AGAP1: variants seen among roughly 807,000 people sequenced by gnomAD.
AGAP1 encodes ArfGAP with GTPase domain, ankyrin repeat and PH domain 1, also known as arf-GAP with GTPase, ANK repeat and PH domain-containing protein 1.
AGAP1 carries 29 observed loss-of-function variants against 105.3 expected under a neutral mutation model. The ratio of observed to expected loss-of-function variants is 0.28; its 90% CI spans 0.21 to 0.38. The LOEUF is 0.38. Ranked by LOEUF, AGAP1 falls within the 10% of genes least tolerant of loss-of-function variation. AGAP1 has a pLI of 1.00. For synonymous variants in AGAP1, 509 were observed against 485.9 expected (o/e 1.05, Z -0.63); for missense variants, 998 against 1,165.1 (o/e 0.86, Z 2.09).
At position 235,494,632 on chromosome 2, in the gene AGAP1, G is replaced by A; in HGVS notation, c.-55G>A. On this transcript the variant is annotated 5_prime_UTR_variant, in exon 1 of 18. Transcript: ENST00000304032. ...CGGGCTCGGCGGCCCGCGGGCCCCG[G>A]GGCGCGGGGCGGCGGCGGCGGGGGG... 3.1e-6 allele frequency: 3 copies of A among 960,376 alleles called. No homozygotes were observed. The highest frequency in any genetic ancestry group is 3.7e-6 in the Non-Finnish European group (3 of 811,190). The allele number at this position is 960,376 out of a possible 1,614,324, so 59.5% of individuals were successfully genotyped here. A position where few individuals can be genotyped will look rare whatever the true frequency, so the allele number is the denominator to read the frequency against.
At chr2:235,899,515 A>G (rs2124982869) in intron 10 of AGAP1, among the ~76,000 whole-genome samples, 1 of 152,326 alleles carries the variant, frequency 6.6e-6, no homozygotes, top group East Asian at 1.9e-4. Context: ...CTGTGTCTTA[A>G]AAATATATAT....
rs916709825 is a variant in AGAP1, at chr2:235,625,409, G to A, written c.164-83770G>A. 1.8e-4 allele frequency among the ~76,000 whole-genome samples: 27 copies of A among 152,214 alleles called. 1 individual carries two copies. Among genetic ancestry groups the A allele is most frequent in the African/African-American group, 3.9e-4 (16 of 41,456 alleles). ...AAGAAATTCATGGGAGTCCTGCATC[G>A]CTGAGGTCAGGGGAGGTTCTGTAAA... On this transcript the variant is annotated intron_variant, in intron 1 of 17. Transcript: ENST00000304032. The surrounding 1 kb of genome is among the most constrained non-coding windows in gnomAD (Gnocchi z 4.0).
chr2:236,037,896 A>T (rs1226395810), intron 14 of AGAP1, among the ~76,000 whole-genome samples: 1 of 152,190 alleles, frequency 6.6e-6, no homozygotes, highest in African/African-American at 2.4e-5. Flanking sequence ...AAGAGAAAGG[A>T]TGTTACCCAC....
At chr2:235,668,369 C>G (rs1235016501) in intron 1 of AGAP1, among the ~76,000 whole-genome samples, 1 of 152,152 alleles carries the variant, frequency 6.6e-6, no homozygotes, top group African/African-American at 2.4e-5. Context: ...AATAGGTACC[C>G]CCACAATAAG....
rs1220285434 is a variant in AGAP1, at chr2:236,056,410, A to G, written c.2114+7129A>G. Among the ~76,000 whole-genome samples, 1 of 152,206 alleles carries G rather than the reference A, an allele frequency of 6.6e-6. No individual in the cohort carries two copies. The highest frequency in any genetic ancestry group is 1.5e-5 in the Non-Finnish European group (1 of 68,040). Reference sequence around the variant, plus strand: ...ACAATTAAGGAGTTTCTGATGCTTAAGAATTTTTACTGCCCCTGGCAGATG... The same window carrying G: ...ACAATTAAGGAGTTTCTGATGCTTAGGAATTTTTACTGCCCCTGGCAGATG... On this transcript the variant is annotated intron_variant, in intron 16 of 17. Transcript: ENST00000304032. This position sits in a 1 kb window ranked among gnomAD's most constrained non-coding sequence, Gnocchi z 4.6.
In AGAP1 at chr2:235,692,573, TC is replaced by T. The variant is rs1559358198; in HGVS notation, c.164-16600del. On this transcript the variant is annotated intron_variant, in intron 1 of 17. Coordinates refer to ENST00000304032, the MANE Select transcript of AGAP1 (RefSeq NM_001037131.3). This position sits in a 1 kb window ranked among gnomAD's most constrained non-coding sequence, Gnocchi z 5.8. ...GCCCCTATGCTCTCCCCCCTTGCCC[TC>T]CCCCCTTGCCTTCCTGGGCCATCCT... Among the ~76,000 whole-genome samples, 1 of 148,670 alleles carries T rather than the reference TC, an allele frequency of 6.7e-6. No homozygotes were observed. Among genetic ancestry groups the T allele is most frequent in the African/African-American group, 2.5e-5 (1 of 39,986 alleles).
chr2:235,897,116 T>C (rs535601432), intron 10 of AGAP1, among the ~76,000 whole-genome samples: 40 of 152,338 alleles, frequency 2.6e-4, no homozygotes, highest in South Asian at 1.4e-3. Flanking sequence ...AAAGTCTTGC[T>C]CTGTTGCCCA....
At chr2:235,651,493 A>G (rs190658631) in intron 1 of AGAP1, among the ~76,000 whole-genome samples, 4 of 152,350 alleles carry the variant, frequency 2.6e-5, no homozygotes, top group Admixed American at 2.6e-4. Context: ...GAAAAACATG[A>G]AGATTCCCAT....
rs2058062320 is a variant in AGAP1, at chr2:236,056,771, C to T, written c.2114+7490C>T. 6.6e-6 allele frequency among the ~76,000 whole-genome samples: 1 copy of T among 152,142 alleles called. No individual in the cohort carries two copies. The highest frequency in any genetic ancestry group is 2.1e-4 in the South Asian group (1 of 4,824). On this transcript the variant is annotated intron_variant, in intron 16 of 17. Transcript: ENST00000304032. This position sits in a 1 kb window ranked among gnomAD's most constrained non-coding sequence, Gnocchi z 4.6. ...ACAGCGCCCTGTGTGCTTGGATTAT[C>T]CCCATTCCCAGACGTGTGCCAGGGT...
rs1468352377 is a variant in AGAP1, at chr2:236,120,106, G to GCTTCTCCCGACCA, written c.2115-84_2115-72dup. On this transcript the variant is annotated intron_variant, in intron 16 of 17. Transcript: ENST00000304032. The surrounding 1 kb of genome is among the most constrained non-coding windows in gnomAD (Gnocchi z 6.0). ...TTTCTGTTATTTCACTTCCCTCTCG[G>GCTTCTCCCGACCA]CTTCTCCCGACCACACTGGGCAGGG... 2 of 1,524,222 alleles carry GCTTCTCCCGACCA rather than the reference G, an allele frequency of 1.3e-6. No individual in the cohort carries two copies. The highest frequency in any genetic ancestry group is 1.8e-6 in the Non-Finnish European group (2 of 1,135,482). 94.4% of individuals were successfully genotyped at this position (1,524,222 alleles called of 1,614,324 possible).
intron 12 of AGAP1, among the ~76,000 whole-genome samples, chr2:235,955,380 A>C (rs1214500922): frequency 1.3e-5 from 2 of 152,122 alleles, no homozygotes; most frequent in African/African-American, 2.4e-5. Context: ...ATCCTTACAC[A>C]CCGTTGGTGG....
Position 235,951,859 on chromosome 2 carries a change from GTTCCT to G in AGAP1, c.1484-16599_1484-16595del, listed in dbSNP as rs2053752895. Among the ~76,000 whole-genome samples, 1 of 152,136 alleles carries G rather than the reference GTTCCT, an allele frequency of 6.6e-6. No individual in the cohort carries two copies. The highest frequency in any genetic ancestry group is 6.5e-5 in the Admixed American group (1 of 15,276). On this transcript the variant is annotated intron_variant, in intron 12 of 17. Transcript: ENST00000304032. This position sits in a 1 kb window ranked among gnomAD's most constrained non-coding sequence, Gnocchi z 4.2. Reference sequence around the variant, plus strand: ...CTTCATAAATGCAGGAAACTGTCAGGTTCCTTTCAAGAGGAAGTCTTAGCTACAGA... The same window carrying G: ...CTTCATAAATGCAGGAAACTGTCAGGTTCAAGAGGAAGTCTTAGCTACAGA...
Position 235,750,393 on chromosome 2 carries a change from C to G in AGAP1, c.578C>G (p.Ala193Gly). 6.2e-7 allele frequency: 1 copy of G among 1,614,174 alleles called. No homozygotes were observed. The highest frequency in any genetic ancestry group is 8.5e-7 in the Non-Finnish European group (1 of 1,180,040). ...SSANPRVIDD[A>G]RARKLSNDLK... Reference sequence around the variant, plus strand: ...GCTAACCCGAGGGTCATCGATGACGCCAGGGCGAGGAAGCTCTCCAACGAC... The same window carrying G: ...GCTAACCCGAGGGTCATCGATGACGGCAGGGCGAGGAAGCTCTCCAACGAC... The change falls in exon 6 of 18, where the codon GCC becomes GGC. Residue 193 changes from alanine to glycine, a missense_variant. Physicochemically the swap from Ala to Gly is moderately conservative, Grantham distance 60 (BLOSUM62 0). Around this residue, in one of 3 missense-constraint regions of AGAP1, gnomAD observed 735 missense variants for 833.4 expected, o/e 0.88. Transcript: ENST00000304032. The surrounding 1 kb of genome is among the most constrained non-coding windows in gnomAD (Gnocchi z 5.3).
rs1944085997 is a variant in AGAP1, at chr2:235,559,661, A to AT, written c.163+64815dup. ...CCCAGAAATTTTCTATACCCCTGAA[A>AT]TTTAACATTTTGGTGGGTATGATGT... On this transcript the variant is annotated intron_variant, in intron 1 of 17. Coordinates refer to ENST00000304032, the MANE Select transcript of AGAP1 (RefSeq NM_001037131.3). The surrounding 1 kb of genome is among the most constrained non-coding windows in gnomAD (Gnocchi z 5.7). Among the ~76,000 whole-genome samples the AT allele has an allele frequency of 1.3e-5, 2 of 151,998 alleles. No individual in the cohort carries two copies. Among genetic ancestry groups the AT allele is most frequent in the South Asian group, 4.1e-4 (2 of 4,830 alleles).
Position 235,615,131 on chromosome 2 carries a change from C to T in AGAP1, c.164-94048C>T, listed in dbSNP as rs1205230626. ...CCTCCGCGCAGGGAATGAGCAGCCT[C>T]TGCTCCTTCATTTGATTGCTATGAC... is the stretch of plus-strand genomic sequence containing the variant. On this transcript the variant is annotated intron_variant, in intron 1 of 17. Transcript: ENST00000304032. The surrounding 1 kb of genome is among the most constrained non-coding windows in gnomAD (Gnocchi z 5.0). Among the ~76,000 whole-genome samples the T allele has an allele frequency of 6.6e-6, 1 of 152,234 alleles. No homozygotes were observed. The highest frequency in any genetic ancestry group is 1.5e-5 in the Non-Finnish European group (1 of 68,038).
At chr2:235,939,228 C>G (rs1458545220) in intron 12 of AGAP1, among the ~76,000 whole-genome samples, 1 of 152,126 alleles carries the variant, frequency 6.6e-6, no homozygotes, top group African/African-American at 2.4e-5. Context: ...CTCTCCCTTG[C>G]CTGAAGGCCC....
intron 1 of AGAP1, among the ~76,000 whole-genome samples, chr2:235,598,387 G>T (rs1426093782): frequency 6.6e-6 from 1 of 152,114 alleles, no homozygotes; most frequent in South Asian, 2.1e-4. Context: ...TATTAGAAGG[G>T]CTTTGGTCTT....
intron 9 of AGAP1, among the ~76,000 whole-genome samples, chr2:235,816,921 C>T (rs1384454716): frequency 6.6e-6 from 1 of 151,962 alleles, no homozygotes; most frequent in Non-Finnish European, 1.5e-5. Context: ...GACCAAGACT[C>T]CTAAGGAAAT....
chr2:235,747,479 G>A lies in AGAP1; in HGVS notation c.538+2640G>A, dbSNP rs1953053576. ...GGTAAGCTGGCCCCACGCCCTCCCGGGGTGAGCAGGTAAGCGGGCCCCATG... is the reference window on the plus strand; with the variant it reads ...GGTAAGCTGGCCCCACGCCCTCCCGAGGTGAGCAGGTAAGCGGGCCCCATG... On this transcript the variant is annotated intron_variant, in intron 5 of 17. Transcript: ENST00000304032. The surrounding 1 kb of genome is among the most constrained non-coding windows in gnomAD (Gnocchi z 5.0). Among the ~76,000 whole-genome samples the A allele has an allele frequency of 6.6e-6, 1 of 151,932 alleles. No homozygotes were observed. The highest frequency in any genetic ancestry group is 1.9e-4 in the East Asian group (1 of 5,136).
Sources: allele counts gnomAD v4.1 joint callset (sites outside exome capture counted in the v4.1 genomes callset), GRCh38; gene constraint gnomAD v4.1.1; regional missense constraint gnomAD v4.1.1; non-coding constraint Gnocchi (gnomAD v3.1); transcripts MANE v1.5; gene names NCBI Gene and HGNC (gene_info 2026-07-23, HGNC 2026-07-21).